OSBPL1A: variants seen among roughly 807,000 people sequenced by gnomAD.
The protein encoded by OSBPL1A is oxysterol-binding protein-related protein 1.
A neutral mutation model predicts 137.1 loss-of-function variants in OSBPL1A; 80 were observed. That is an observed-to-expected ratio of 0.58 (90% CI 0.49 to 0.70). The LOEUF (loss-of-function observed/expected upper bound fraction) is 0.70. Ranked by LOEUF, OSBPL1A falls within the 30% of genes least tolerant of loss-of-function variation. The pLI is 0.00. For missense variants in OSBPL1A, 970 were observed against 1,129.4 expected, an observed-to-expected ratio of 0.86 and a Z score of 2.02; for synonymous variants, 365 against 389.7, an observed-to-expected ratio of 0.94 and a Z score of 0.75.
intron 4 of OSBPL1A, among the ~76,000 whole-genome samples, chr18:24,349,302 C>T (rs2091398478): frequency 6.6e-6 from 1 of 151,290 alleles, no homozygotes. Context: ...AAGATCTAGA[C>T]AGACAAGAAA....
chr18:24,318,716 T>C (rs1372006095), intron 8 of OSBPL1A, 32 bp downstream of exon 8: 1 of 1,596,198 alleles, frequency 6.3e-7, no homozygotes, highest in Admixed American at 1.7e-5. Flanking sequence ...TTTCTAAAAA[T>C]TATTAGATAA....
At chr18:24,324,847 A>G (rs112125782) in intron 7 of OSBPL1A, among the ~76,000 whole-genome samples, 21,521 of 150,838 alleles carry the variant, frequency 0.14, 1,622 homozygotes, top group African/African-American at 0.17. Context: ...CAGCACTTTC[A>G]GAGGCCGAGG....
intron 7 of OSBPL1A, among the ~76,000 whole-genome samples, chr18:24,326,073 A>G (rs9963339): frequency 6.6e-6 from 1 of 152,038 alleles, no homozygotes; most frequent in Non-Finnish European, 1.5e-5. Context: ...AGAAAAGAAA[A>G]AAAGAAAAAA....
chr18:24,310,711 T>G (rs916581538), intron 13 of OSBPL1A, among the ~76,000 whole-genome samples: 13 of 143,150 alleles, frequency 9.1e-5, no homozygotes, highest in African/African-American at 3.2e-4. Flanking sequence ...ACTTTTAAAA[T>G]TATCATAATC....
chr18:24,384,499 G>A (rs537579995), intron 1 of OSBPL1A, among the ~76,000 whole-genome samples: 32 of 151,822 alleles, frequency 2.1e-4, no homozygotes, highest in Admixed American at 6.6e-4. Flanking sequence ...ACTTGAACCC[G>A]GGAGGTTACA....
intron 26 of OSBPL1A, among the ~76,000 whole-genome samples, 157 bp from the exon 27 acceptor site, chr18:24,165,312 AAC>A (rs1266819545): frequency 2.0e-5 from 3 of 152,226 alleles, no homozygotes; most frequent in South Asian, 2.1e-4. Flanking sequence ...CAAAAATTTT[AAC>A]AGATACCTGG....
chr18:24,199,631 T>C (rs1461529158), intron 17 of OSBPL1A, among the ~76,000 whole-genome samples: 3 of 152,194 alleles, frequency 2.0e-5, no homozygotes, highest in Non-Finnish European at 4.4e-5. Flanking sequence ...TACGACCTAT[T>C]AGACATTACC....
rs2086598400 is a variant in OSBPL1A, at chr18:24,181,219, G to A, written c.1738C>T (p.Leu580=). The change falls in exon 19 of 28, where the codon CTA becomes TTA. Residue 580 remains leucine, a synonymous_variant. Transcript: ENST00000319481. ...FNEPLSFLQR[L]TEYMEHTYLI... The stretch of plus-strand genomic sequence containing the variant: ...TAAGTATGCTCCATGTATTCAGTTA[G>A]GCGCTGTAGGAAGCTCAGAGGCTCA... 3.7e-6 allele frequency: 6 copies of A among 1,614,108 alleles called. No homozygotes were observed. Among genetic ancestry groups the A allele is most frequent in the Non-Finnish European group, 5.1e-6 (6 of 1,180,006 alleles).
intron 15 of OSBPL1A, among the ~76,000 whole-genome samples, chr18:24,279,185 C>T (rs534160626): frequency 1.3e-4 from 19 of 147,874 alleles, no homozygotes; most frequent in African/African-American, 4.3e-4. Context: ...GAGGCCGAGT[C>T]GGGCAGATGG....
At chr18:24,356,993 C>A (rs1386917655) in intron 4 of OSBPL1A, 1 of 152,158 alleles carries the variant, frequency 6.6e-6, no homozygotes, top group African/African-American at 2.4e-5. Flanking sequence ...AAATCAAAGA[C>A]AGTTTGGATT....
intron 4 of OSBPL1A, among the ~76,000 whole-genome samples, chr18:24,360,325 A>G (rs981255177): frequency 3.9e-5 from 6 of 152,198 alleles, no homozygotes; most frequent in South Asian, 2.1e-4. Flanking sequence ...GTGCTTTATA[A>G]TAAGCCAAAT....
At chr18:24,263,163 A>G (rs1482824699) in intron 15 of OSBPL1A, among the ~76,000 whole-genome samples, 2 of 152,208 alleles carry the variant, frequency 1.3e-5, no homozygotes, top group Non-Finnish European at 2.9e-5. Context: ...CAGTTCTCAA[A>G]CTGAGGTAAA....
chr18:24,311,433 C>T (rs989437648), intron 13 of OSBPL1A: 61 of 984,082 alleles, frequency 6.2e-5, no homozygotes, highest in Non-Finnish European at 7.2e-5. Flanking sequence ...CCCCTCAAAA[C>T]ACCTATTTCA....
chr18:24,322,342 C>T (rs113687432), intron 7 of OSBPL1A, among the ~76,000 whole-genome samples: 40,943 of 150,382 alleles, frequency 0.27, 6,315 homozygotes, highest in Non-Finnish European at 0.34. Context: ...AGGATGGTCT[C>T]GATCTCCTGA....
chr18:24,208,817 G>A lies in OSBPL1A; in HGVS notation c.1602-12617C>T, dbSNP rs1006036172. ...TACAATGAGAAACAATTATTCCATAGTATCAACAACAAAAGGCCATTGTTT... is the reference window on the plus strand; with the variant it reads ...TACAATGAGAAACAATTATTCCATAATATCAACAACAAAAGGCCATTGTTT... On this transcript the variant is annotated intron_variant, in intron 17 of 27. Transcript: ENST00000319481. Among the ~76,000 whole-genome samples, 34 of 152,250 alleles carry A rather than the reference G, an allele frequency of 2.2e-4. 1 individual carries two copies. The highest frequency in any genetic ancestry group is 4.0e-4 in the Non-Finnish European group (27 of 68,022).
In OSBPL1A at chr18:24,317,143, T is replaced by C. The variant is rs376291302; in HGVS notation, c.870+6A>G. 2.5e-6 allele frequency: 4 copies of C among 1,613,784 alleles called. No individual in the cohort carries two copies. The highest frequency in any genetic ancestry group is 3.4e-6 in the Non-Finnish European group (4 of 1,179,818). ...AGAGGAGCAAATGATCCATGTTTCA[T>C]CCTACCGTGCATACTGCTTGAGTCA... On this transcript the variant is annotated splice_donor_region_variant and intron_variant, in intron 11 of 27. Coordinates refer to ENST00000319481, the MANE Select transcript of OSBPL1A (RefSeq NM_080597.4).
At chr18:24,345,364 C>A (rs567236681) in intron 4 of OSBPL1A, among the ~76,000 whole-genome samples, 2 of 152,236 alleles carry the variant, frequency 1.3e-5, no homozygotes, top group East Asian at 3.9e-4. Flanking sequence ...CAGACTCAGA[C>A]TAGAAAGGGT....
chr18:24,338,118 G>T (rs998302952), intron 5 of OSBPL1A, among the ~76,000 whole-genome samples: 7 of 151,242 alleles, frequency 4.6e-5, no homozygotes, highest in African/African-American at 9.7e-5. Flanking sequence ...TGTTGGCCAG[G>T]CGGGAGTGCA....
intron 7 of OSBPL1A, among the ~76,000 whole-genome samples, chr18:24,328,972 A>G (rs1279794859): frequency 1.3e-5 from 2 of 152,192 alleles, no homozygotes; most frequent in Admixed American, 1.3e-4. Context: ...AAAATTACAT[A>G]TGTGACTCCC....
Sources: gnomAD v4.1 joint callset for allele counts (sites outside exome capture counted in the v4.1 genomes callset) on GRCh38, gnomAD v4.1.1 for gene constraint, MANE v1.5 for transcripts, NCBI Gene and HGNC (gene_info 2026-07-23, HGNC 2026-07-21) for gene names.